The following COL4A4 variants were observed in gnomAD, a reference collection of about 807,000 sequenced individuals.
COL4A4 encodes collagen type IV alpha 4 chain.
COL4A4 carries 105 observed loss-of-function variants against 192.9 expected under a neutral mutation model. The ratio of observed to expected loss-of-function variants is 0.54; its 90% CI spans 0.46 to 0.64. The LOEUF (loss-of-function observed/expected upper bound fraction) is 0.64. Ranked by LOEUF, COL4A4 falls within the 30% of genes least tolerant of loss-of-function variation. COL4A4 has a pLI of 0.00. For synonymous variants in COL4A4, 762 were observed against 769.9 expected (o/e 0.99, Z 0.17); for missense variants, 1,967 against 2,169.3 (o/e 0.91, Z 1.85).
chr2:227,037,616 T>C (rs1368102841), intron 37 of COL4A4, among the ~76,000 whole-genome samples: 2 of 152,236 alleles, frequency 1.3e-5, no homozygotes, highest in Non-Finnish European at 2.9e-5. Context: ...ATGGGATCAC[T>C]GGGTCAAATG....
At chr2:227,007,746 A>G (rs966038965) in intron 47 of COL4A4, among the ~76,000 whole-genome samples, 158 bp from the exon 48 acceptor site, 3 of 152,244 alleles carry the variant, frequency 2.0e-5, no homozygotes, top group African/African-American at 7.2e-5. Flanking sequence ...CGTACTCAGC[A>G]TGGTAAGTAT....
intron 44 of COL4A4, among the ~76,000 whole-genome samples, chr2:227,014,420 G>T (rs889703770): frequency 3.9e-5 from 6 of 152,164 alleles, no homozygotes; most frequent in African/African-American, 1.4e-4. Context: ...AACTCTTTCC[G>T]GTGATGACCT....
chr2:227,053,888 C>T (rs577108563), intron 31 of COL4A4, among the ~76,000 whole-genome samples: 2 of 152,104 alleles, frequency 1.3e-5, no homozygotes, highest in African/African-American at 2.4e-5. Context: ...AAACTCTACT[C>T]GTGGCCCAGA....
chr2:227,089,682 T>C (rs561909034), intron 21 of COL4A4, among the ~76,000 whole-genome samples, 186 bp downstream of exon 21: 1 of 149,732 alleles, frequency 6.7e-6, no homozygotes, highest in Non-Finnish European at 1.5e-5. Context: ...GCTTTATAAA[T>C]ATATAAGACA....
the COL4A4 span, among the ~76,000 whole-genome samples, chr2:226,993,315 G>A: frequency 6.6e-6 from 1 of 152,218 alleles, no homozygotes; most frequent in African/African-American, 2.4e-5. Flanking sequence ...GAGTCAGGGT[G>A]CCACGTCGAG....
intron 25 of COL4A4, among the ~76,000 whole-genome samples, chr2:227,070,385 T>C (rs1484400434): frequency 3.3e-5 from 5 of 152,152 alleles, no homozygotes; most frequent in Non-Finnish European, 7.4e-5. Flanking sequence ...ACCCAAAGGA[T>C]TATAAATCAT....
At chr2:227,128,421 T>C (rs778568778) in intron 4 of COL4A4, among the ~76,000 whole-genome samples, 4 of 152,246 alleles carry the variant, frequency 2.6e-5, no homozygotes. Flanking sequence ...TTCTCAAATT[T>C]AACTTTCTGG....
chr2:227,112,093 G>A (rs187011046), intron 8 of COL4A4, among the ~76,000 whole-genome samples: 2 of 152,148 alleles, frequency 1.3e-5, no homozygotes, highest in African/African-American at 4.8e-5. Flanking sequence ...CCCTAGAGTG[G>A]ACAGAAAAGA....
At chr2:226,978,337 C>G in the COL4A4 span, among the ~76,000 whole-genome samples, 1 of 152,014 alleles carries the variant, frequency 6.6e-6, no homozygotes, top group African/African-American at 2.4e-5. Context: ...TAATTTTTTG[C>G]CAAGCCACTA....
intron 41 of COL4A4, among the ~76,000 whole-genome samples, chr2:227,028,432 C>A (rs1276015694): frequency 1.3e-5 from 2 of 152,106 alleles, no homozygotes; most frequent in African/African-American, 4.8e-5. Context: ...ACGTGATGTT[C>A]CTTTACTTCT....
intron 21 of COL4A4, among the ~76,000 whole-genome samples, chr2:227,089,334 C>T (rs2059772534): frequency 6.6e-6 from 1 of 151,902 alleles, no homozygotes; most frequent in African/African-American, 2.4e-5. Context: ...TTGTCTTAAA[C>T]AAATGTCTTC....
chr2:226,968,754 A>G, the COL4A4 span, among the ~76,000 whole-genome samples: 1 of 152,190 alleles, frequency 6.6e-6, no homozygotes, highest in Non-Finnish European at 1.5e-5. Context: ...AAATTAGCCA[A>G]AGGAAACAAT....
At chr2:227,160,558 C>T (rs1348206790) in intron 1 of COL4A4, among the ~76,000 whole-genome samples, 1 of 152,148 alleles carries the variant, frequency 6.6e-6, no homozygotes, top group African/African-American at 2.4e-5. Flanking sequence ...CCACCCCATT[C>T]CCACCTCCCC....
chr2:226,981,132 C>T, the COL4A4 span, among the ~76,000 whole-genome samples: 1 of 152,106 alleles, frequency 6.6e-6, no homozygotes, highest in Non-Finnish European at 1.5e-5. Flanking sequence ...AAACCAAACA[C>T]CGCATGTTCT....
Position 227,059,506 on chromosome 2 carries a change from T to G in COL4A4, c.2282A>C (p.Asp761Ala). Residue 761 changes from aspartate (D) to alanine (A), a missense_variant, in exon 28 of 48, where the codon GAC (aspartate) becomes GCC (alanine). Physicochemically the swap from Asp to Ala is moderately radical, Grantham distance 126. Transcript: ENST00000396625. ...GGGTCCCAGGTGACCAAATGCAGGG[T>G]CTCCCGGGATTCCTTTCTGACCATT... is the stretch of plus-strand genomic sequence containing the variant. The part of the protein sequence containing the change: ...GVNGQKGIPG[D>A]PAFGHLGPPG... 1 of 1,613,888 alleles carries G rather than the reference T, an allele frequency of 6.2e-7. No individual in the cohort carries two copies. The highest frequency in any genetic ancestry group is 8.5e-7 in the Non-Finnish European group (1 of 1,179,974).
chr2:227,005,965 GAC>G lies in COL4A4; in HGVS notation c.*1358_*1359del, dbSNP rs1436498916. 2 of 152,180 alleles carry G rather than the reference GAC, an allele frequency of 1.3e-5. No individual in the cohort carries two copies. The highest frequency in any genetic ancestry group is 2.9e-5 in the Non-Finnish European group (2 of 68,022). The allele number at this position is 152,180 out of a possible 1,614,324, so 9.4% of individuals were successfully genotyped here. ...CAGAAAAAAATAATCATTATAAATT[GAC>G]ACACATTCTAAACTTTTTTAGAAAA... On this transcript the variant is annotated 3_prime_UTR_variant, in exon 48 of 48. Transcript: ENST00000396625.
intron 3 of COL4A4, among the ~76,000 whole-genome samples, chr2:227,141,798 C>A (rs1208264527): frequency 6.6e-6 from 1 of 151,816 alleles, no homozygotes; most frequent in Non-Finnish European, 1.5e-5. Context: ...AAGTTAAACA[C>A]CCTGATAAGG....
At chr2:227,101,748 G>T in intron 16 of COL4A4, 117 bp downstream of exon 16, 1 of 1,062,436 alleles carries the variant, frequency 9.4e-7, no homozygotes, top group Non-Finnish European at 1.4e-6. Context: ...TCCATAAAAT[G>T]AATGTGTCTG....
At chr2:227,063,216 A>G (rs1977576690) in intron 25 of COL4A4, among the ~76,000 whole-genome samples, 1 of 152,200 alleles carries the variant, frequency 6.6e-6, no homozygotes, top group Admixed American at 6.5e-5. Context: ...GTTAATAAGC[A>G]GTTGAGGGTC....
Sources: gnomAD v4.1 joint callset for allele counts (sites outside exome capture counted in the v4.1 genomes callset) on GRCh38, gnomAD v4.1.1 for gene constraint, MANE v1.5 for transcripts, NCBI Gene and HGNC (gene_info 2026-07-23, HGNC 2026-07-21) for gene names.